Variants in FSTL4 observed in about 807,000 individuals in gnomAD.
FSTL4 encodes follistatin-related protein 4.
Under a neutral mutation model 78.2 loss-of-function variants are expected in FSTL4, and 28 were observed. That is an observed-to-expected ratio of 0.36 (90% confidence interval 0.27 to 0.49). The LOEUF is 0.49. Ranked by LOEUF, FSTL4 falls within the 20% of genes least tolerant of loss-of-function variation. The probability of loss-of-function intolerance (pLI) is 0.98; values close to 1 mark genes in which losing one functional copy is unlikely to be tolerated. For synonymous variants in FSTL4, 422 were observed against 440.5 expected (o/e 0.96, Z 0.53); for missense variants, 922 against 1,084.9 (o/e 0.85, Z 2.11).
chr5:133,224,233 T>C lies in FSTL4; in HGVS notation c.1313-17A>G, dbSNP rs768486455. 1 of 1,609,046 alleles carries C rather than the reference T, an allele frequency of 6.2e-7. No individual in the cohort carries two copies. The highest frequency in any genetic ancestry group is 8.5e-7 in the Non-Finnish European group (1 of 1,175,594). ...TGTTTGCAACTGCAGCAGCAGAGAA[T>C]GAGGAAAGCAGGAGTGTGATGGAGT... On this transcript the variant is annotated splice_polypyrimidine_tract_variant and intron_variant, in intron 10 of 15. Transcript: ENST00000265342.
At chr5:133,834,077 A>C in the FSTL4 span, among the ~76,000 whole-genome samples, 1 of 152,258 alleles carries the variant, frequency 6.6e-6, no homozygotes, top group Non-Finnish European at 1.5e-5. Context: ...AGTCATATTC[A>C]GTCTTGCTAG....
chr5:133,240,762 A>G (rs879778675), intron 7 of FSTL4, among the ~76,000 whole-genome samples: 9 of 152,166 alleles, frequency 5.9e-5, no homozygotes, highest in Non-Finnish European at 1.0e-4. Context: ...ACTGAGCTCA[A>G]TGAATATTTG....
intron 2 of FSTL4, among the ~76,000 whole-genome samples, chr5:133,573,622 TG>T (rs1389046237): frequency 6.6e-6 from 1 of 152,092 alleles, no homozygotes; most frequent in Non-Finnish European, 1.5e-5. Context: ...CCCACAATAA[TG>T]GTTGGAAAAT....
At chr5:133,711,300 G>A in the FSTL4 span, among the ~76,000 whole-genome samples, 3 of 152,218 alleles carry the variant, frequency 2.0e-5, no homozygotes, top group African/African-American at 7.2e-5. Context: ...GTGAGGCAGA[G>A]GCTAGATGGA....
chr5:133,358,814 G>T (rs1755002668), intron 4 of FSTL4, among the ~76,000 whole-genome samples: 1 of 151,918 alleles, frequency 6.6e-6, no homozygotes, highest in African/African-American at 2.4e-5. Flanking sequence ...TGGCCAGGCT[G>T]GTCTCAAACA....
At chr5:133,443,272 T>C (rs898511100) in intron 3 of FSTL4, among the ~76,000 whole-genome samples, 5 of 152,252 alleles carry the variant, frequency 3.3e-5, no homozygotes, top group African/African-American at 1.2e-4. Flanking sequence ...AAGAAAGTGA[T>C]AAGCGGAGCT....
At chr5:133,351,093 C>T (rs575971529) in intron 4 of FSTL4, among the ~76,000 whole-genome samples, 9 of 152,274 alleles carry the variant, frequency 5.9e-5, no homozygotes, top group East Asian at 5.8e-4. Context: ...AGAGGGAAAG[C>T]GGCACAGATG....
chr5:133,764,580 ACATAAAAC>A, the FSTL4 span, among the ~76,000 whole-genome samples: 3,498 of 152,296 alleles, frequency 0.023, 100 homozygotes, highest in African/African-American at 0.071. Flanking sequence ...AAGCACAGGC[ACATAAAAC>A]CATGTGCCTT....
intron 6 of FSTL4, among the ~76,000 whole-genome samples, chr5:133,284,984 G>A (rs1191110306): frequency 3.9e-5 from 6 of 152,194 alleles, no homozygotes; most frequent in Non-Finnish European, 5.9e-5. Flanking sequence ...ACTTGGTGAG[G>A]TGGGAAATAG....
At chr5:133,771,286 TTGAG>T in the FSTL4 span, among the ~76,000 whole-genome samples, 1 of 152,158 alleles carries the variant, frequency 6.6e-6, no homozygotes, top group African/African-American at 2.4e-5. Context: ...AGGGGTTGCA[TTGAG>T]TCGGTGGATT....
At chr5:133,827,305 T>C in the FSTL4 span, among the ~76,000 whole-genome samples, 2 of 152,126 alleles carry the variant, frequency 1.3e-5, no homozygotes, top group African/African-American at 4.8e-5. Context: ...TAATGAATCG[T>C]TCAACCATGT....
chr5:133,476,566 G>A (rs1322098010), intron 3 of FSTL4, among the ~76,000 whole-genome samples: 1 of 152,162 alleles, frequency 6.6e-6, no homozygotes, highest in African/African-American at 2.4e-5. Context: ...AGTTGTTGTG[G>A]AGAATGGTTC....
intron 6 of FSTL4, among the ~76,000 whole-genome samples, chr5:133,257,143 G>A (rs1433922116): frequency 6.6e-6 from 1 of 152,208 alleles, no homozygotes; most frequent in African/African-American, 2.4e-5. Flanking sequence ...AATTATTTAT[G>A]GAGCTGGTAC....
At chr5:133,526,470 G>A (rs1446249395) in intron 3 of FSTL4, among the ~76,000 whole-genome samples, 1 of 152,154 alleles carries the variant, frequency 6.6e-6, no homozygotes, top group Non-Finnish European at 1.5e-5. Flanking sequence ...TGCTGGGTTA[G>A]GGTGCGACTC....
At chr5:133,493,004 T>C (rs1195867329) in intron 3 of FSTL4, among the ~76,000 whole-genome samples, 1 of 152,164 alleles carries the variant, frequency 6.6e-6, no homozygotes, top group African/African-American at 2.4e-5. Flanking sequence ...TCATTTATTG[T>C]ATTATTAATT....
intron 7 of FSTL4, among the ~76,000 whole-genome samples, chr5:133,240,031 C>G (rs549963212): frequency 1.3e-5 from 2 of 152,212 alleles, no homozygotes; most frequent in Non-Finnish European, 2.9e-5. Context: ...AAGCTTTGTT[C>G]TTTTGCTCTT....
At chr5:133,766,689 G>A in the FSTL4 span, among the ~76,000 whole-genome samples, 6 of 152,210 alleles carry the variant, frequency 3.9e-5, no homozygotes, top group African/African-American at 1.4e-4. Flanking sequence ...GGTGTGGAGG[G>A]TTAATGCAGC....
intron 3 of FSTL4, among the ~76,000 whole-genome samples, chr5:133,535,809 T>C (rs578056693): frequency 2.6e-5 from 4 of 152,250 alleles, no homozygotes; most frequent in South Asian, 2.1e-4. Context: ...ACAAGGGGGA[T>C]AGAAATTGGG....
the FSTL4 span, among the ~76,000 whole-genome samples, chr5:133,635,109 C>G: frequency 1.3e-5 from 2 of 151,994 alleles, no homozygotes; most frequent in African/African-American, 4.8e-5. Context: ...TAATGTCACC[C>G]CATCTGTTCT....
Sources: allele counts gnomAD v4.1 joint callset (sites outside exome capture counted in the v4.1 genomes callset), GRCh38; gene constraint gnomAD v4.1.1; transcripts MANE v1.5; gene names NCBI Gene and HGNC (gene_info 2026-07-23, HGNC 2026-07-21).